AR: variants seen among roughly 807,000 people sequenced by gnomAD.
AR encodes androgen receptor, also known as dihydrotestosterone receptor.
In AR, 8 loss-of-function variants were observed where a neutral mutation model predicts 53.9. The observed-to-expected ratio is 0.15, with a 90% CI of 0.09 to 0.27. The LOEUF (loss-of-function observed/expected upper bound fraction) is 0.27, where lower values mean the gene tolerates loss of function less well. Ranked by LOEUF, AR falls within the 10% of genes least tolerant of loss-of-function variation. The pLI, the probability that AR is intolerant of heterozygous loss-of-function variation, is 1.00. For missense variants in AR, 639 were observed against 742.5 expected (o/e 0.86, Z 1.62); for synonymous variants, 359 against 316.4 (o/e 1.13, Z -1.43).
intron 1 of AR, among the ~76,000 whole-genome samples, chrX:67,619,597 G>T (rs1470699187): frequency 9.0e-6 from 1 of 110,729 alleles, no homozygotes; most frequent in Non-Finnish European, 1.9e-5. Flanking sequence ...GCTGTATGTG[G>T]GTCTTGGGCA....
intron 1 of AR, among the ~76,000 whole-genome samples, chrX:67,592,834 T>C (rs926134527): frequency 2.7e-5 from 3 of 110,938 alleles, no homozygotes; most frequent in African/African-American, 9.8e-5. Flanking sequence ...GAGTAATTGC[T>C]GGCAACTGAT....
intron 2 of AR, among the ~76,000 whole-genome samples, chrX:67,663,222 A>G (rs1167904938): frequency 1.8e-5 from 2 of 111,680 alleles, no homozygotes; most frequent in Non-Finnish European, 3.8e-5. Flanking sequence ...CCTAGCCTCG[A>G]CGGTCTTTAC....
intron 1 of AR, among the ~76,000 whole-genome samples, chrX:67,603,755 T>G (rs1171257679): frequency 1.8e-5 from 2 of 111,727 alleles, no homozygotes; most frequent in East Asian, 5.7e-4. Flanking sequence ...AAGAAAATTC[T>G]AGCAATAGTG....
At chrX:67,577,388 G>T (rs997850204) in intron 1 of AR, among the ~76,000 whole-genome samples, 1 of 110,840 alleles carries the variant, frequency 9.0e-6, no homozygotes, top group African/African-American at 3.3e-5. Context: ...TGGACATTTG[G>T]GTTGTTTTCA....
At chrX:67,558,310 A>C (rs1921147094) in intron 1 of AR, among the ~76,000 whole-genome samples, 1 of 112,533 alleles carries the variant, frequency 8.9e-6, no homozygotes, top group Non-Finnish European at 1.9e-5. Context: ...GGCACCTTGC[A>C]TGAATTGATT....
chrX:67,707,467 C>A (rs780129816), intron 3 of AR, among the ~76,000 whole-genome samples: 15 of 111,295 alleles, frequency 1.3e-4, no homozygotes, highest in Non-Finnish European at 2.6e-4. Context: ...GCAATCCCTG[C>A]CTCTTTTGGT....
chrX:67,672,905 A>G (rs1238256224), intron 2 of AR, among the ~76,000 whole-genome samples: 1 of 111,808 alleles, frequency 8.9e-6, no homozygotes, highest in Admixed American at 9.5e-5. Context: ...TTTCAGATTA[A>G]AGAGCTCCCT....
intron 3 of AR, among the ~76,000 whole-genome samples, chrX:67,686,856 G>A (rs1179727894): frequency 9.0e-6 from 1 of 110,918 alleles, no homozygotes; most frequent in South Asian, 3.9e-4. Context: ...TCTACCATGA[G>A]TGTTGTCACC....
chrX:67,580,009 G>A (rs181845014), intron 1 of AR, among the ~76,000 whole-genome samples: 17 of 110,351 alleles, frequency 1.5e-4, no homozygotes, highest in Middle Eastern at 4.7e-3. Flanking sequence ...ACATCCAATC[G>A]CTAGTGGTGT....
chrX:67,579,496 G>T (rs772386393), intron 1 of AR, among the ~76,000 whole-genome samples: 7 of 111,730 alleles, frequency 6.3e-5, no homozygotes, highest in Non-Finnish European at 1.3e-4. Flanking sequence ...AGTGAAGAAA[G>T]GGCTGTAAGC....
intron 1 of AR, among the ~76,000 whole-genome samples, chrX:67,601,994 C>T (rs1437885845): frequency 1.8e-5 from 2 of 111,647 alleles, no homozygotes; most frequent in Non-Finnish European, 3.8e-5. Context: ...TAGTCATACC[C>T]ATATCAAATC....
rs1187767010 is a variant in AR, at chrX:67,691,943, G to A, written c.1885+5817G>A. Among the ~76,000 whole-genome samples the A allele has an allele frequency of 2.7e-5, 3 of 112,036 alleles. No individual in the cohort carries two copies. In the Admixed American group the frequency reaches 2.8e-4, roughly 11 times the overall value. On this transcript the variant is annotated intron_variant, in intron 3 of 7. Coordinates refer to ENST00000374690, the MANE Select transcript of AR (RefSeq NM_000044.6). Reference sequence around the variant, plus strand: ...CTGGCCTAAGGATTGTGCTAAAGAAGTTATTTCTAAGAAATATAGTGACTT... The same window carrying A: ...CTGGCCTAAGGATTGTGCTAAAGAAATTATTTCTAAGAAATATAGTGACTT...
At chrX:67,608,746 T>C (rs1252692362) in intron 1 of AR, among the ~76,000 whole-genome samples, 2 of 112,298 alleles carry the variant, frequency 1.8e-5, no homozygotes, top group Non-Finnish European at 3.8e-5. Context: ...GTTTGCATAT[T>C]TAACCATTTT....
chrX:67,708,168 C>T (rs1434396779), intron 3 of AR, among the ~76,000 whole-genome samples: 1 of 111,455 alleles, frequency 9.0e-6, no homozygotes, highest in Non-Finnish European at 1.9e-5. Flanking sequence ...CTCTGTATTT[C>T]CTGAATGTGA....
chrX:67,619,530 T>A (rs574715411), intron 1 of AR, among the ~76,000 whole-genome samples: 17 of 110,964 alleles, frequency 1.5e-4, no homozygotes, highest in Middle Eastern at 9.3e-3. Flanking sequence ...AACTATATAG[T>A]CTTATCATAG....
chrX:67,686,403 T>A (rs747554298), intron 3 of AR, among the ~76,000 whole-genome samples: 59 of 111,553 alleles, frequency 5.3e-4, no homozygotes, highest in Non-Finnish European at 9.8e-4. Flanking sequence ...TGAGGATGCA[T>A]CTGACTGGGC....
At chrX:67,666,164 T>C (rs1394326074) in intron 2 of AR, among the ~76,000 whole-genome samples, 1 of 111,221 alleles carries the variant, frequency 9.0e-6, no homozygotes, top group African/African-American at 3.3e-5. Context: ...TCTTATTCAT[T>C]CTAACTATAC....
chrX:67,632,668 A>G (rs1319019237), intron 1 of AR, among the ~76,000 whole-genome samples: 1 of 112,291 alleles, frequency 8.9e-6, no homozygotes, highest in African/African-American at 3.2e-5. Context: ...CTCCAGAAAA[A>G]AAAATTGTTA....
chrX:67,714,840 A>T (rs1357703223), intron 4 of AR, among the ~76,000 whole-genome samples: 1 of 111,674 alleles, frequency 9.0e-6, no homozygotes, highest in African/African-American at 3.3e-5. Context: ...GAGATTGGGC[A>T]TTAGAGAACA....
Sources: allele counts gnomAD v4.1 joint callset (sites outside exome capture counted in the v4.1 genomes callset), GRCh38; gene constraint gnomAD v4.1.1; transcripts MANE v1.5; gene names NCBI Gene and HGNC (gene_info 2026-07-23, HGNC 2026-07-21).